Variants in CPED1 observed in about 807,000 individuals in gnomAD.
The protein encoded by CPED1 is cadherin like and PC-esterase domain containing 1.
In CPED1, 114 loss-of-function variants were observed where a neutral mutation model predicts 128.2. That is an observed-to-expected ratio of 0.89 (90% confidence interval 0.76 to 1.04). The LOEUF (loss-of-function observed/expected upper bound fraction) is 1.04, where lower values mean the gene tolerates loss of function less well. Ranked by LOEUF, CPED1 falls within the 50% of genes least tolerant of loss-of-function variation. The pLI, the probability that CPED1 is intolerant of heterozygous loss-of-function variation, is 0.00. For missense variants in CPED1, 1,211 were observed against 1,207.1 expected (o/e 1.00, Z -0.05); for synonymous variants, 462 against 426.7 (o/e 1.08, Z -1.02).
intron 5 of CPED1, among the ~76,000 whole-genome samples, chr7:121,067,126 T>TA (rs1563012665): frequency 6.6e-6 from 1 of 152,104 alleles, no homozygotes; most frequent in African/African-American, 2.4e-5. Flanking sequence ...TCTTTTTTTT[T>TA]TATATACTTT....
intron 16 of CPED1, among the ~76,000 whole-genome samples, chr7:121,206,647 C>G (rs918315156): frequency 4.6e-5 from 7 of 151,914 alleles, no homozygotes; most frequent in Admixed American, 2.6e-4. Flanking sequence ...CAATTCAATA[C>G]AAACTTTTGT....
chr7:121,257,021 A>G (rs988002664), intron 18 of CPED1, among the ~76,000 whole-genome samples: 1 of 152,050 alleles, frequency 6.6e-6, no homozygotes, highest in Admixed American at 6.6e-5. Flanking sequence ...CTAAACATTA[A>G]GCAGACATGG....
intron 16 of CPED1, among the ~76,000 whole-genome samples, chr7:121,234,909 A>G (rs1042038949): frequency 5.9e-5 from 9 of 152,086 alleles, no homozygotes; most frequent in Non-Finnish European, 1.3e-4. Context: ...TACTTAGTCC[A>G]TTTAGATTTA....
At chr7:120,996,219 G>C (rs1216580056) in intron 2 of CPED1, among the ~76,000 whole-genome samples, 3 of 152,084 alleles carry the variant, frequency 2.0e-5, no homozygotes, top group Non-Finnish European at 2.9e-5. Context: ...GGGATGTCAA[G>C]GCTGCAGTGA....
At chr7:121,187,080 GTAGACATGAT>G (rs1212778986) in intron 16 of CPED1, among the ~76,000 whole-genome samples, 1 of 152,182 alleles carries the variant, frequency 6.6e-6, no homozygotes, top group African/African-American at 2.4e-5. Context: ...GGCCATCAAA[GTAGACATGAT>G]TTTTCTCTCC....
chr7:121,271,484 G>T (rs1268893402), intron 22 of CPED1, 54 bp downstream of exon 22: 2 of 1,531,788 alleles, frequency 1.3e-6, no homozygotes, highest in Non-Finnish European at 1.8e-6. Context: ...AAAATTGTTT[G>T]TTGTATCTTT....
At chr7:121,207,011 C>A (rs534009241) in intron 16 of CPED1, among the ~76,000 whole-genome samples, 2 of 151,958 alleles carry the variant, frequency 1.3e-5, no homozygotes, top group African/African-American at 4.8e-5. Context: ...GTAATAGTGG[C>A]CTGCAACTTT....
intron 22 of CPED1, among the ~76,000 whole-genome samples, chr7:121,280,071 T>C (rs943916805): frequency 5.3e-5 from 8 of 152,312 alleles, no homozygotes; most frequent in African/African-American, 1.9e-4. Context: ...GTGTAACATT[T>C]AGTGCCTTAA....
intron 22 of CPED1, among the ~76,000 whole-genome samples, chr7:121,293,285 C>T (rs1792749906): frequency 6.6e-6 from 1 of 152,170 alleles, no homozygotes; most frequent in Non-Finnish European, 1.5e-5. Flanking sequence ...TCGAAATTCC[C>T]AGCGGTTTTG....
intron 2 of CPED1, among the ~76,000 whole-genome samples, chr7:120,996,321 T>C (rs1196263124): frequency 2.0e-5 from 3 of 151,568 alleles, no homozygotes; most frequent in Admixed American, 2.0e-4. Flanking sequence ...TAGAAATTTT[T>C]AATAGAGGTA....
chr7:121,091,885 C>T (rs1794579443), intron 5 of CPED1, among the ~76,000 whole-genome samples: 1 of 152,142 alleles, frequency 6.6e-6, no homozygotes, highest in Admixed American at 6.6e-5. Context: ...TAGCAACTAT[C>T]TATAATGTGC....
At chr7:121,177,088 G>A (rs1379281900) in intron 16 of CPED1, among the ~76,000 whole-genome samples, 1 of 152,148 alleles carries the variant, frequency 6.6e-6, no homozygotes, top group East Asian at 1.9e-4. Flanking sequence ...TGTTTGGTCT[G>A]TTGGTTTCTA....
At chr7:121,103,557 C>G (rs988248703) in intron 7 of CPED1, among the ~76,000 whole-genome samples, 4 of 152,094 alleles carry the variant, frequency 2.6e-5, no homozygotes, top group Admixed American at 6.6e-5. Flanking sequence ...TGAAAAAATA[C>G]ACAGAAACTT....
intron 16 of CPED1, among the ~76,000 whole-genome samples, chr7:121,151,235 G>A (rs1378581778): frequency 6.6e-6 from 1 of 152,090 alleles, no homozygotes; most frequent in African/African-American, 2.4e-5. Context: ...AAGAAATAAT[G>A]TACGTATATA....
chr7:121,288,949 G>A (rs1247545503), intron 22 of CPED1, among the ~76,000 whole-genome samples: 3 of 152,146 alleles, frequency 2.0e-5, no homozygotes, highest in African/African-American at 7.2e-5. Flanking sequence ...TTGCTGTTGA[G>A]TACAAACCTC....
At chr7:121,269,702 A>G (rs966995991) in intron 21 of CPED1, among the ~76,000 whole-genome samples, 7 of 152,028 alleles carry the variant, frequency 4.6e-5, no homozygotes, top group Non-Finnish European at 1.0e-4. Context: ...CTGGTGTGAG[A>G]TGGTATCTCA....
rs145428637 is a variant in CPED1, at chr7:121,099,442, A to T, written c.750-484A>T. On this transcript the variant is annotated intron_variant, in intron 6 of 22. Coordinates refer to ENST00000310396, the MANE Select transcript of CPED1 (RefSeq NM_024913.5). ...AAGTGCAATGATGCAATCTCAGCTCAGTGCAACCTGCGCCTCCCAGGTTCA... is the reference window on the plus strand; with the variant it reads ...AAGTGCAATGATGCAATCTCAGCTCTGTGCAACCTGCGCCTCCCAGGTTCA... Among the ~76,000 whole-genome samples the T allele has an allele frequency of 6.4e-3, 969 of 152,308 alleles. 10 individuals are homozygous for T. Among genetic ancestry groups the T allele is most frequent in the African/African-American group, 0.02 (849 of 41,570 alleles).
At chr7:121,067,307 T>TGC (rs2116067690) in intron 5 of CPED1, among the ~76,000 whole-genome samples, 2 of 151,638 alleles carry the variant, frequency 1.3e-5, no homozygotes, top group East Asian at 3.9e-4. Context: ...ATGTTCCCCT[T>TGC]CCTGTGTCCA....
At chr7:121,293,354 C>T (rs1433987404) in intron 22 of CPED1, among the ~76,000 whole-genome samples, 1 of 152,096 alleles carries the variant, frequency 6.6e-6, no homozygotes, top group Non-Finnish European at 1.5e-5. Context: ...ACACCCCTAC[C>T]CCCACCAAGC....
Sources: gnomAD v4.1 joint callset for allele counts (sites outside exome capture counted in the v4.1 genomes callset) on GRCh38, gnomAD v4.1.1 for gene constraint, MANE v1.5 for transcripts, NCBI Gene and HGNC (gene_info 2026-07-23, HGNC 2026-07-21) for gene names.